RALGAPA2: variants seen among roughly 807,000 people sequenced by gnomAD.
The protein encoded by RALGAPA2 is Ral GTPase activating protein catalytic subunit alpha 2.
A neutral mutation model predicts 230.4 loss-of-function variants in RALGAPA2; 139 were observed. That is an observed-to-expected ratio of 0.60 (90% CI 0.53 to 0.69). RALGAPA2 has a LOEUF of 0.69. RALGAPA2 is among the 30% of genes least tolerant of loss of function. RALGAPA2 has a pLI of 0.00. For synonymous variants in RALGAPA2, 847 were observed against 837.8 expected (o/e 1.01, Z -0.19); for missense variants, 2,163 against 2,276.0 (o/e 0.95, Z 1.01).
chr20:20,402,607 GC>G (rs1314233186), intron 38 of RALGAPA2, among the ~76,000 whole-genome samples: 2 of 152,190 alleles, frequency 1.3e-5, no homozygotes, highest in Non-Finnish European at 2.9e-5. Context: ...CCCCTCTAGT[GC>G]CCCCCAGGGA....
chr20:20,539,425 T>A lies in RALGAPA2; in HGVS notation c.3286-2641A>T, dbSNP rs954568169. 3.3e-5 allele frequency among the ~76,000 whole-genome samples: 5 copies of A among 152,298 alleles called. No individual in the cohort carries two copies. In the East Asian group the frequency reaches 9.6e-4, roughly 29 times the overall value. ...CATTCTCATTCATATTCTCTCTCTT[T>A]TTAAAAAAACATTTTGGAAGGCTAC... On this transcript the variant is annotated intron_variant, in intron 24 of 39. Coordinates refer to ENST00000202677, the MANE Select transcript of RALGAPA2 (RefSeq NM_020343.4).
At chr20:20,571,800 G>T in intron 22 of RALGAPA2, 48 bp downstream of exon 22, 1 of 1,529,250 alleles carries the variant, frequency 6.5e-7, no homozygotes, top group Non-Finnish European at 9.0e-7. Context: ...CTCAATTTCA[G>T]AAAGGAAGAG....
intron 37 of RALGAPA2, among the ~76,000 whole-genome samples, chr20:20,463,695 G>A (rs1451373741): frequency 6.6e-6 from 1 of 152,080 alleles, no homozygotes; most frequent in Non-Finnish European, 1.5e-5. Context: ...CAGGAATAAT[G>A]GCTCCCTTTG....
intron 38 of RALGAPA2, among the ~76,000 whole-genome samples, chr20:20,410,836 G>A (rs2060044272): frequency 6.6e-6 from 1 of 152,148 alleles, no homozygotes; most frequent in African/African-American, 2.4e-5. Flanking sequence ...AGGAAGCAGA[G>A]GCGTGATTAT....
Position 20,458,870 on chromosome 20 carries a change from A to AGACC in RALGAPA2, c.5495+13958_5495+13959insGGTC, listed in dbSNP as rs1569418332. Among the ~76,000 whole-genome samples, 49 of 32,976 alleles carry AGACC rather than the reference A, an allele frequency of 1.5e-3. 1 individual carries two copies. The East Asian group carries it at 0.015, about 10-fold the overall frequency. 21.6% of individuals were successfully genotyped at this position (32,976 alleles called of 152,430 possible). A position where few individuals can be genotyped will look rare whatever the true frequency, so the allele number is the denominator to read the frequency against. ...TATATATAGACCTATATATATATATATATATACACACACACAAATAAATAA... is the reference window on the plus strand; with the variant it reads ...TATATATAGACCTATATATATATATAGACCTATATACACACACACAAATAAATAA... On this transcript the variant is annotated intron_variant, in intron 37 of 39. Coordinates refer to ENST00000202677, the MANE Select transcript of RALGAPA2 (RefSeq NM_020343.4).
intron 23 of RALGAPA2, among the ~76,000 whole-genome samples, chr20:20,566,486 T>A (rs2064428630): frequency 1.3e-5 from 2 of 152,092 alleles, no homozygotes; most frequent in South Asian, 2.1e-4. Context: ...ATGTTCAAAG[T>A]AAGAAAATGT....
chr20:20,710,805 G>C (rs2069825520), intron 1 of RALGAPA2, among the ~76,000 whole-genome samples: 3 of 152,194 alleles, frequency 2.0e-5, no homozygotes. Context: ...TAATCTTGCA[G>C]ACCTGGACAG....
intron 10 of RALGAPA2, among the ~76,000 whole-genome samples, chr20:20,629,107 T>C (rs1292109068): frequency 6.6e-6 from 1 of 152,210 alleles, no homozygotes; most frequent in Non-Finnish European, 1.5e-5. Context: ...ATTTGTCTCA[T>C]GATTTTGCTC....
chr20:20,501,600 A>C (rs2062378121), intron 35 of RALGAPA2, among the ~76,000 whole-genome samples: 1 of 152,228 alleles, frequency 6.6e-6, no homozygotes, highest in Non-Finnish European at 1.5e-5. Context: ...ATCAGCAATA[A>C]GGCTATTTCG....
intron 37 of RALGAPA2, chr20:20,472,539 CA>C: frequency 4.9e-6 from 1 of 204,524 alleles, no homozygotes; most frequent in Non-Finnish European, 9.8e-6. Context: ...GAACGTGGGG[CA>C]AAATACCTAA....
chr20:20,503,490 T>C lies in RALGAPA2; in HGVS notation c.5069A>G (p.His1690Arg). 6.3e-7 allele frequency: 1 copy of C among 1,576,170 alleles called. No individual in the cohort carries two copies. The highest frequency in any genetic ancestry group is 1.2e-5 in the South Asian group (1 of 85,654). The change falls in exon 35 of 40, where the codon CAC (histidine) becomes CGC (arginine). Residue 1690 changes from histidine to arginine, a missense_variant. Physicochemically the swap from His to Arg is conservative, Grantham distance 29. Transcript: ENST00000202677. ...GLGWEVDLSTHCGFMGGLQRN... is the reference protein window; with the variant it reads ...GLGWEVDLSTRCGFMGGLQRN... ...CTGAAGGCCACCCATGAACCCACAG[T>C]GGGTGGAGAGATCCACCTGACAAAG... is the stretch of plus-strand genomic sequence containing the variant.
At chr20:20,584,749 C>A in intron 19 of RALGAPA2, 116 bp downstream of exon 19, 1 of 815,184 alleles carries the variant, frequency 1.2e-6, no homozygotes, top group Non-Finnish European at 1.8e-6. Flanking sequence ...CCAGAGCACT[C>A]CAGCCTGGGC....
intron 23 of RALGAPA2, among the ~76,000 whole-genome samples, chr20:20,553,211 A>G (rs1186471958): frequency 6.6e-6 from 1 of 152,206 alleles, no homozygotes; most frequent in East Asian, 1.9e-4. Context: ...GAAAGCCAGG[A>G]GAAATATTAC....
chr20:20,475,173 A>G (rs1340708963), intron 36 of RALGAPA2, among the ~76,000 whole-genome samples: 1 of 152,166 alleles, frequency 6.6e-6, no homozygotes, highest in African/African-American at 2.4e-5. Context: ...ATTTATTTGT[A>G]AAGCCCCTTT....
intron 13 of RALGAPA2, among the ~76,000 whole-genome samples, chr20:20,615,154 C>T (rs1003646128): frequency 2.7e-5 from 4 of 149,974 alleles, no homozygotes; most frequent in Admixed American, 6.6e-5. Flanking sequence ...GATGGAGTAA[C>T]GTGAGGACTT....
At chr20:20,657,832 T>G (rs1469372394) in intron 3 of RALGAPA2, among the ~76,000 whole-genome samples, 1 of 152,256 alleles carries the variant, frequency 6.6e-6, no homozygotes, top group African/African-American at 2.4e-5. Flanking sequence ...AGATTCAGAA[T>G]AGATCTTAGA....
chr20:20,642,199 T>C (rs901752614), intron 5 of RALGAPA2, among the ~76,000 whole-genome samples: 2 of 148,164 alleles, frequency 1.3e-5, no homozygotes, highest in Non-Finnish European at 3.0e-5. Context: ...TCTATGTATA[T>C]CTTTTTTCTT....
chr20:20,693,780 C>T (rs544306651), intron 1 of RALGAPA2, among the ~76,000 whole-genome samples: 1 of 152,214 alleles, frequency 6.6e-6, no homozygotes, highest in East Asian at 1.9e-4. Context: ...CAGTCAGGCT[C>T]CCATACTGTT....
intron 3 of RALGAPA2, among the ~76,000 whole-genome samples, chr20:20,673,599 A>C (rs1483282274): frequency 6.6e-6 from 1 of 152,164 alleles, no homozygotes; most frequent in Non-Finnish European, 1.5e-5. Flanking sequence ...AGAAAATATG[A>C]ATAATACTAA....
Sources: allele counts gnomAD v4.1 joint callset (sites outside exome capture counted in the v4.1 genomes callset), GRCh38; gene constraint gnomAD v4.1.1; transcripts MANE v1.5; gene names NCBI Gene and HGNC (gene_info 2026-07-23, HGNC 2026-07-21).